The following HROB variants were observed in gnomAD, a reference collection of about 807,000 sequenced individuals.
HROB encodes the protein homologous recombination OB-fold protein.
In HROB, 44 loss-of-function variants were observed where a neutral mutation model predicts 61.0. The ratio of observed to expected loss-of-function variants is 0.72; its 90% CI spans 0.57 to 0.93. HROB has a LOEUF of 0.93. Ranked by LOEUF, HROB falls within the 40% of genes least tolerant of loss-of-function variation. The probability of loss-of-function intolerance (pLI) is 0.00; values close to 1 mark genes in which losing one functional copy is unlikely to be tolerated. For missense variants in HROB, 716 were observed against 796.2 expected (o/e 0.90, Z 1.21); for synonymous variants, 301 against 310.4 (o/e 0.97, Z 0.32).
chr17:44,157,693 G>A (rs537987869), intron 8 of HROB, 140 bp from the exon 9 acceptor site: 6 of 524,808 alleles, frequency 1.1e-5, no homozygotes, highest in African/African-American at 3.9e-5. Flanking sequence ...GGGATTACAG[G>A]TGTGAGCCAC....
Position 44,155,427 on chromosome 17 carries a change from A to C in HROB, c.1770+16A>C, listed in dbSNP as rs773801803. The stretch of plus-strand genomic sequence containing the variant: ...CTTCCCCAAGGTAAGAGGAGCAGGA[A>C]GAAACGGGAGACTGGTAAGGCCCTC... On this transcript the variant is annotated intron_variant, in intron 8 of 9. Transcript: ENST00000585683. 4.3e-6 allele frequency: 7 copies of C among 1,613,174 alleles called. No homozygotes were observed. The Admixed American group carries it at 1.2e-4, about 27-fold the overall frequency.
At chr17:44,143,396 C>G (rs2053516606) in intron 1 of HROB, among the ~76,000 whole-genome samples, 1 of 152,046 alleles carries the variant, frequency 6.6e-6, no homozygotes, top group South Asian at 2.1e-4. Context: ...GTAATCCCAG[C>G]ACTTTGGGAG....
At chr17:44,142,359 C>G (rs1490653753) in intron 1 of HROB, among the ~76,000 whole-genome samples, 1 of 152,144 alleles carries the variant, frequency 6.6e-6, no homozygotes, top group Non-Finnish European at 1.5e-5. Flanking sequence ...GCCTCAGTTT[C>G]CCTCCTGTTG....
intron 4 of HROB, 106 bp from the exon 5 acceptor site, chr17:44,152,531 G>A (rs1004738127): frequency 1.0e-5 from 14 of 1,336,006 alleles, no homozygotes; most frequent in South Asian, 4.5e-5. Context: ...CAGTTTTTCC[G>A]AGGGGATTTG....
Position 44,148,069 on chromosome 17 carries a change from C to T in HROB, c.266C>T (p.Ala89Val). Residue 89 changes from alanine (A) to valine (V), a missense_variant, in exon 3 of 10, where the codon GCT (alanine) becomes GTT (valine). Ala to Val is a moderately conservative substitution (Grantham distance 64, BLOSUM62 0). Coordinates refer to ENST00000585683, the MANE Select transcript of HROB (RefSeq NM_001171251.3). ...LCLPASSTPSADSRPSCIGAA... is the reference protein window; with the variant it reads ...LCLPASSTPSVDSRPSCIGAA... ...CTCCCTGCCTCCAGCACGCCCAGTG[C>T]TGACAGCCGTCCATCATGCATAGGA... is the stretch of plus-strand genomic sequence containing the variant. 1 of 1,614,200 alleles carries T rather than the reference C, an allele frequency of 6.2e-7. No individual in the cohort carries two copies. The highest frequency in any genetic ancestry group is 8.5e-7 in the Non-Finnish European group (1 of 1,180,046).
At chr17:44,157,963 G>T (rs781384635) in intron 9 of HROB, 22 bp downstream of exon 9, 1 of 1,573,672 alleles carries the variant, frequency 6.4e-7, no homozygotes, top group South Asian at 1.1e-5. Flanking sequence ...AGCCCATCTG[G>T]GAGCAAGAGA....
intron 1 of HROB, among the ~76,000 whole-genome samples, chr17:44,144,194 G>T (rs925492877): frequency 2.7e-5 from 4 of 150,738 alleles, no homozygotes; most frequent in Non-Finnish European, 4.4e-5. Context: ...AGGCTGGTGT[G>T]CAGTGGTGCG....
Position 44,155,326 on chromosome 17 carries a change from A to G in HROB, c.1685A>G (p.Asn562Ser), listed in dbSNP as rs765371857. 3.1e-6 allele frequency: 5 copies of G among 1,614,026 alleles called. No homozygotes were observed. The highest frequency in any genetic ancestry group is 4.2e-6 in the Non-Finnish European group (5 of 1,180,022). Residue 562 changes from asparagine (N) to serine (S), a missense_variant, in exon 8 of 10, where the codon AAC (asparagine) becomes AGC (serine). Physicochemically the swap from Asn to Ser is conservative, Grantham distance 46 (BLOSUM62 1). Transcript: ENST00000585683. ...FSPSLRNHYL[N>S]VTPNNLVHIY... Reference sequence around the variant, plus strand: ...CCTTCACTTCGAAATCACTACCTCAACGTGACACCCAACAACCTGGTCCAT... The same window carrying G: ...CCTTCACTTCGAAATCACTACCTCAGCGTGACACCCAACAACCTGGTCCAT...
At chr17:44,152,568 G>GT in intron 4 of HROB, 69 bp from the exon 5 acceptor site, 1 of 1,550,142 alleles carries the variant, frequency 6.5e-7, no homozygotes, top group East Asian at 2.3e-5. Flanking sequence ...CTTCCACCCT[G>GT]TTTCAATCAA....
chr17:44,152,643 G>T lies in HROB; in HGVS notation c.1315G>T (p.Ala439Ser). ...ALAKFQTEIVASSQASVEEDF... is the reference protein window; with the variant it reads ...ALAKFQTEIVSSSQASVEEDF... ...CTCTGCTCTGTGGTACCAGATTGTT[G>T]CTAGTTCCCAGGCATCTGTGGAGGA... Residue 439 changes from alanine to serine, a missense_variant, in exon 5 of 10, where the codon GCT becomes TCT. Physicochemically the swap from Ala to Ser is moderately conservative, Grantham distance 99. Transcript: ENST00000585683. 1 of 1,614,086 alleles carries T rather than the reference G, an allele frequency of 6.2e-7. No homozygotes were observed. The highest frequency in any genetic ancestry group is 1.3e-5 in the African/African-American group (1 of 75,050).
intron 4 of HROB, among the ~76,000 whole-genome samples, chr17:44,152,232 G>A (rs2053834041): frequency 6.6e-6 from 1 of 152,042 alleles, no homozygotes; most frequent in South Asian, 2.1e-4. Flanking sequence ...CACCCGCCTC[G>A]GCCTTCCAAA....
intron 2 of HROB, 180 bp from the exon 3 acceptor site, chr17:44,147,678 C>A (rs2053652503): frequency 4.9e-6 from 3 of 608,760 alleles, no homozygotes; most frequent in Middle Eastern, 9.0e-4. Flanking sequence ...TCAAGTGATC[C>A]TCCTACCTTG....
intron 1 of HROB, among the ~76,000 whole-genome samples, chr17:44,142,550 G>A (rs2053483414): frequency 1.4e-5 from 2 of 143,320 alleles, no homozygotes; most frequent in South Asian, 4.4e-4. Context: ...CACTGCAACC[G>A]TCGTCTCCCG....
rs550465565 is a variant in HROB at position 44,153,979 on chromosome 17, G to A, written c.1450-577G>A. On this transcript the variant is annotated intron_variant, in intron 5 of 9. Transcript: ENST00000585683. ...TGGAGCATCGCTTGAACCCAGAGGC[G>A]GAGGTTGCAATGAGCCAAGGTCGTG... Among the ~76,000 whole-genome samples the A allele has an allele frequency of 2.3e-4, 35 of 152,164 alleles. No individual in the cohort carries two copies. The East Asian group carries it at 5.0e-3, about 22-fold the overall frequency.
intron 9 of HROB, among the ~76,000 whole-genome samples, chr17:44,159,628 A>G (rs1252583769): frequency 2.0e-5 from 3 of 152,216 alleles, no homozygotes; most frequent in African/African-American, 7.2e-5. Context: ...CAGGGTAAGG[A>G]GTGTGAGTCA....
chr17:44,144,773 T>G (rs1335414394), intron 1 of HROB, among the ~76,000 whole-genome samples: 1 of 145,358 alleles, frequency 6.9e-6, no homozygotes, highest in Non-Finnish European at 1.5e-5. Context: ...ACAGACTCAC[T>G]CTGTCGCCCA....
chr17:44,154,496 G>T, intron 5 of HROB, 60 bp from the exon 6 acceptor site: 1 of 1,554,480 alleles, frequency 6.4e-7, no homozygotes, highest in South Asian at 1.1e-5. Flanking sequence ...CACACTTGGA[G>T]ACCTGGGAAG....
At position 44,154,592 on chromosome 17, in the gene HROB, A is replaced by G; in HGVS notation, c.1486A>G (p.Asn496Asp). The change falls in exon 6 of 10, where the codon AAC becomes GAC. Residue 496 changes from asparagine (N) to aspartate (D), a missense_variant. Transcript: ENST00000585683. ...GCAGCTTCCTAGGAACAAGGTCCCC[A>G]ACATGGCGGTGATGATCAAGTCCCT... is the stretch of plus-strand genomic sequence containing the variant. ...LKQLPRNKVP[N>D]MAVMIKSLTR... The G allele has an allele frequency of 6.2e-7, 1 of 1,614,178 alleles. No individual in the cohort carries two copies. The highest frequency in any genetic ancestry group is 1.7e-5 in the Admixed American group (1 of 60,018).
intron 4 of HROB, 29 bp downstream of exon 4, chr17:44,151,073 G>A (rs969946725): frequency 6.3e-7 from 1 of 1,578,830 alleles, no homozygotes; most frequent in Non-Finnish European, 8.7e-7. Flanking sequence ...AACTTTCTGG[G>A]TGTGATTTGA....
Sources: allele counts gnomAD v4.1 joint callset (sites outside exome capture counted in the v4.1 genomes callset), GRCh38; gene constraint gnomAD v4.1.1; transcripts MANE v1.5; gene names NCBI Gene and HGNC (gene_info 2026-07-23, HGNC 2026-07-21).